CARMIL1: variants seen among roughly 807,000 people sequenced by gnomAD.
CARMIL1 encodes capping protein regulator and myosin 1 linker 1.
Under a neutral mutation model 177.1 loss-of-function variants are expected in CARMIL1, and 90 were observed. The ratio of observed to expected loss-of-function variants is 0.51; its 90% confidence interval spans 0.43 to 0.61. The LOEUF (loss-of-function observed/expected upper bound fraction) is 0.61. CARMIL1 is among the 20% of genes least tolerant of loss of function. The pLI is 0.00. For missense variants in CARMIL1, 1,380 were observed against 1,667.0 expected (o/e 0.83, Z 3.00); for synonymous variants, 577 against 606.2 (o/e 0.95, Z 0.71).
intron 23 of CARMIL1, chr6:25,527,793 C>A: frequency 3.1e-6 from 1 of 324,256 alleles, no homozygotes; most frequent in South Asian, 2.6e-5. Context: ...TTAATAGTTT[C>A]TAATTGATAT....
intron 5 of CARMIL1, among the ~76,000 whole-genome samples, chr6:25,443,130 A>G (rs1468199208): frequency 6.6e-6 from 1 of 152,224 alleles, no homozygotes; most frequent in Non-Finnish European, 1.5e-5. Flanking sequence ...ATCCTAGATG[A>G]GGTCAGACAG....
In CARMIL1 at chr6:25,435,466, C is replaced by A; in HGVS notation, c.250-17C>A. ...AATTGGACTCATTCTTAAGAAGTGT[C>A]CCACCGGTTCTTGCAGATGATTGTG... On this transcript the variant is annotated splice_polypyrimidine_tract_variant and intron_variant, in intron 4 of 36. Coordinates refer to ENST00000329474, the MANE Select transcript of CARMIL1 (RefSeq NM_017640.6). 6.5e-7 allele frequency: 1 copy of A among 1,548,942 alleles called. No individual in the cohort carries two copies. Among genetic ancestry groups the A allele is most frequent in the South Asian group, 1.2e-5 (1 of 83,602 alleles).
At chr6:25,395,203 T>C (rs759207609) in intron 2 of CARMIL1, among the ~76,000 whole-genome samples, 6 of 152,242 alleles carry the variant, frequency 3.9e-5, no homozygotes, top group Non-Finnish European at 8.8e-5. Flanking sequence ...GCCCATGCGC[T>C]GTTAAGAATA....
Position 25,606,079 on chromosome 6 carries a change from G to C in CARMIL1, c.3653G>C (p.Gly1218Ala). The change falls in exon 35 of 37, where the codon GGT becomes GCT. Residue 1218 changes from glycine (G) to alanine (A), a missense_variant. By Grantham distance (60) the Gly-to-Ala change is moderately conservative (BLOSUM62 0). Coordinates refer to ENST00000329474, the MANE Select transcript of CARMIL1 (RefSeq NM_017640.6). ...GGGAVPKLHP[G>A]LPENRFGLGT... ...ATCTTAGTGCCTAAACTGCACCCAG[G>C]TCTTCCAGAGAACCGCTTTGGTTTG... The C allele has an allele frequency of 6.2e-7, 1 of 1,613,632 alleles. No homozygotes were observed. The highest frequency in any genetic ancestry group is 8.5e-7 in the Non-Finnish European group (1 of 1,179,740).
chr6:25,300,313 G>A (rs1782752093), intron 2 of CARMIL1, among the ~76,000 whole-genome samples: 1 of 152,152 alleles, frequency 6.6e-6, no homozygotes, highest in Non-Finnish European at 1.5e-5. Flanking sequence ...TCAGACCAGT[G>A]GTTCTCAATA....
intron 5 of CARMIL1, among the ~76,000 whole-genome samples, chr6:25,444,534 G>A (rs911079548): frequency 4.6e-5 from 7 of 151,652 alleles, no homozygotes; most frequent in African/African-American, 1.7e-4. Context: ...AGCCCCCACC[G>A]CCCGACAGGC....
chr6:25,564,531 G>A (rs1207517514), intron 29 of CARMIL1, among the ~76,000 whole-genome samples: 2 of 152,140 alleles, frequency 1.3e-5, no homozygotes, highest in African/African-American at 4.8e-5. Context: ...ATCTTAAAGT[G>A]CAATTGTTAC....
At chr6:25,332,763 A>ACACG (rs1554165899) in intron 2 of CARMIL1, among the ~76,000 whole-genome samples, 6 of 119,452 alleles carry the variant, frequency 5.0e-5, no homozygotes, top group African/African-American at 2.0e-4. Context: ...ACACACACAC[A>ACACG]CACACACACG....
At chr6:25,453,537 A>C (rs1799198957) in intron 8 of CARMIL1, among the ~76,000 whole-genome samples, 1 of 152,208 alleles carries the variant, frequency 6.6e-6, no homozygotes, top group Non-Finnish European at 1.5e-5. Context: ...GTTTGTACTC[A>C]AGAGCTAAAA....
intron 11 of CARMIL1, among the ~76,000 whole-genome samples, chr6:25,481,522 TG>T (rs1482892039): frequency 6.6e-6 from 1 of 152,340 alleles, no homozygotes; most frequent in East Asian, 1.9e-4. Flanking sequence ...GGGGAAATGA[TG>T]GCTCATCCAT....
At chr6:25,556,969 TCAGACAA>T in intron 29 of CARMIL1, 119 bp downstream of exon 29, 2 of 1,020,306 alleles carry the variant, frequency 2.0e-6, no homozygotes. Context: ...GTCCCCACCC[TCAGACAA>T]TTCTTTCAGA....
rs77917401 is a variant in CARMIL1, at chr6:25,321,251, G to A, written c.138+36342G>A. Among the ~76,000 whole-genome samples the A allele has an allele frequency of 6.0e-4, 91 of 152,294 alleles. 1 individual carries two copies. In the East Asian group the frequency reaches 0.017, roughly 29 times the overall value. On this transcript the variant is annotated intron_variant, in intron 2 of 36. Transcript: ENST00000329474. Reference sequence around the variant, plus strand: ...CAATCTTTATTGAGCACCCACCCACGGGGTTGGAGGAATTTAGGGGGTTCT... The same window carrying A: ...CAATCTTTATTGAGCACCCACCCACAGGGTTGGAGGAATTTAGGGGGTTCT...
At chr6:25,410,876 T>C (rs564015899) in intron 2 of CARMIL1, among the ~76,000 whole-genome samples, 1 of 152,256 alleles carries the variant, frequency 6.6e-6, no homozygotes, top group South Asian at 2.1e-4. Flanking sequence ...AGAGGAATAA[T>C]TTAACTCTTC....
At chr6:25,600,940 C>T (rs1348373729) in intron 33 of CARMIL1, among the ~76,000 whole-genome samples, 194 bp downstream of exon 33, 2 of 152,190 alleles carry the variant, frequency 1.3e-5, no homozygotes, top group Non-Finnish European at 2.9e-5. Flanking sequence ...ACTAGAGCTA[C>T]CCTACTGATC....
At chr6:25,424,555 C>T (rs1010165297) in intron 3 of CARMIL1, among the ~76,000 whole-genome samples, 1 of 152,138 alleles carries the variant, frequency 6.6e-6, no homozygotes, top group African/African-American at 2.4e-5. Context: ...ATGAGATGCT[C>T]ATTGAGGGTC....
intron 8 of CARMIL1, among the ~76,000 whole-genome samples, chr6:25,459,282 A>ATTTTT (rs1357546433): frequency 1.1e-4 from 2 of 18,258 alleles, no homozygotes; most frequent in Non-Finnish European, 2.5e-4. Flanking sequence ...TTTTTTTTTA[A>ATTTTT]GACAGGGTCT....
chr6:25,556,341 C>A (rs1015170733), intron 28 of CARMIL1, among the ~76,000 whole-genome samples: 1 of 152,086 alleles, frequency 6.6e-6, no homozygotes, highest in African/African-American at 2.4e-5. Flanking sequence ...TAATTTCCTT[C>A]TTTTCAGTCC....
intron 32 of CARMIL1, among the ~76,000 whole-genome samples, chr6:25,595,053 G>T (rs534792541): frequency 4.7e-4 from 72 of 152,180 alleles, no homozygotes; most frequent in Non-Finnish European, 8.7e-4. Context: ...TTAGCAGAGA[G>T]CCCTCAGAGT....
In CARMIL1 at chr6:25,462,392, T is replaced by G. The variant is rs1298690585; in HGVS notation, c.615-3481T>G. On this transcript the variant is annotated intron_variant, in intron 8 of 36. Coordinates refer to ENST00000329474, the MANE Select transcript of CARMIL1 (RefSeq NM_017640.6). The stretch of plus-strand genomic sequence containing the variant: ...TATATGCACACATAGTATTTTGTAT[T>G]CCCCCTACCTCACTAGGGCTTGTTT... Among the ~76,000 whole-genome samples the G allele has an allele frequency of 8.5e-5, 13 of 152,132 alleles. 1 individual carries two copies. The East Asian group carries it at 2.5e-3, about 29-fold the overall frequency.
Sources: allele counts gnomAD v4.1 joint callset (sites outside exome capture counted in the v4.1 genomes callset), GRCh38; gene constraint gnomAD v4.1.1; transcripts MANE v1.5; gene names NCBI Gene and HGNC (gene_info 2026-07-23, HGNC 2026-07-21).